Variants in PDCD11 observed in about 807,000 individuals in gnomAD.
PDCD11 encodes programmed cell death 11, also known as protein RRP5 homolog.
A neutral mutation model predicts 198.9 loss-of-function variants in PDCD11; 97 were observed. That is an observed-to-expected ratio of 0.49 (90% CI 0.41 to 0.58). The LOEUF (loss-of-function observed/expected upper bound fraction) is 0.58. PDCD11 is among the 20% of genes least tolerant of loss of function. PDCD11 has a pLI of 0.00. For synonymous variants in PDCD11, 893 were observed against 918.0 expected (o/e 0.97, Z 0.49); for missense variants, 2,102 against 2,312.7 (o/e 0.91, Z 1.87).
Position 103,432,254 on chromosome 10 carries a change from G to A in PDCD11, c.3474+20G>A, listed in dbSNP as rs1421979806. 33 of 1,488,574 alleles carry A rather than the reference G, an allele frequency of 2.2e-5. No individual in the cohort carries two copies. The Middle Eastern group carries it at 5.1e-4, about 23-fold the overall frequency. The allele number at this position is 1,488,574 out of a possible 1,614,324, so 92.2% of individuals were successfully genotyped here. ...AAGAAAGTAAGTAGTTTTGCCACTC[G>A]GCAATGAGATGTCATTCTTCTTTCA... On this transcript the variant is annotated intron_variant, in intron 22 of 35. Transcript: ENST00000369797.
intron 8 of PDCD11, among the ~76,000 whole-genome samples, chr10:103,411,408 C>T (rs1447313776): frequency 6.6e-6 from 1 of 151,964 alleles, no homozygotes; most frequent in Non-Finnish European, 1.5e-5. Context: ...CACTATTGCC[C>T]AGAGTGGAGT....
In PDCD11 at chr10:103,424,885, C is replaced by T. The variant is rs1024327823; in HGVS notation, c.2764-99C>T. 2.2e-6 allele frequency: 3 copies of T among 1,392,928 alleles called. No homozygotes were observed. The African/African-American group carries it at 4.3e-5, about 20-fold the overall frequency. 86.3% of individuals were successfully genotyped at this position (1,392,928 alleles called of 1,614,324 possible). ...GCCTTGAGTTCCCTAGCCTTGGGAC[C>T]CCAGAGGGTTTCCTCAGCCACACCC... On this transcript the variant is annotated intron_variant, in intron 19 of 35. Coordinates refer to ENST00000369797, the MANE Select transcript of PDCD11 (RefSeq NM_014976.2).
At chr10:103,419,228 C>T (rs1031185866) in intron 15 of PDCD11, among the ~76,000 whole-genome samples, 35 of 152,036 alleles carry the variant, frequency 2.3e-4, no homozygotes, top group African/African-American at 8.0e-4. Flanking sequence ...TTGGTGTCCT[C>T]TAGTAATCTG....
intron 25 of PDCD11, among the ~76,000 whole-genome samples, chr10:103,436,720 C>G (rs538895907): frequency 4.6e-5 from 7 of 152,178 alleles, no homozygotes; most frequent in Non-Finnish European, 8.8e-5. Context: ...GTGGCCAAAC[C>G]TACGATAAAT....
Position 103,427,299 on chromosome 10 carries a change from A to G in PDCD11, c.3306-30A>G, listed in dbSNP as rs1450710654. 4 of 1,592,202 alleles carry G rather than the reference A, an allele frequency of 2.5e-6. No homozygotes were observed. In the Admixed American group the frequency reaches 5.0e-5, roughly 20 times the overall value. The stretch of plus-strand genomic sequence containing the variant: ...AGATTACTGTGTTACAGAGATGAAG[A>G]GAAATGATTCAGCTTATTTGTTTCT... On this transcript the variant is annotated intron_variant, in intron 20 of 35. Coordinates refer to ENST00000369797, the MANE Select transcript of PDCD11 (RefSeq NM_014976.2).
At chr10:103,444,495 C>G (rs2032515847) in intron 34 of PDCD11, 22 bp from the exon 35 acceptor site, 1 of 1,612,444 alleles carries the variant, frequency 6.2e-7, no homozygotes, top group South Asian at 1.1e-5. Flanking sequence ...TGTTGGGTCT[C>G]TGAGCAGTCC....
intron 30 of PDCD11, among the ~76,000 whole-genome samples, chr10:103,441,497 G>A (rs1183074461): frequency 6.6e-6 from 1 of 152,094 alleles, no homozygotes; most frequent in Non-Finnish European, 1.5e-5. Context: ...TCAAATGATC[G>A]GCCCGCCTCA....
At position 103,415,060 on chromosome 10, in the gene PDCD11, TGAG is replaced by T; in HGVS notation, c.1429_1431del (p.Arg477del). The T allele has an allele frequency of 6.2e-7, 1 of 1,614,030 alleles. No homozygotes were observed. Among genetic ancestry groups the T allele is most frequent in the Non-Finnish European group, 8.5e-7 (1 of 1,179,968 alleles). Reference sequence around the variant, plus strand: ...ATGCTGGTGAAGGTGGGCGAGCAGATGAGGGGCCTGGTACCTCCCATGCACCTG... The same window carrying T: ...ATGCTGGTGAAGGTGGGCGAGCAGATGGGCCTGGTACCTCCCATGCACCTG... On this transcript the variant is annotated inframe_deletion, in exon 12 of 36. Transcript: ENST00000369797.
At position 103,441,767 on chromosome 10, in the gene PDCD11, G is replaced by T; in HGVS notation, c.4558-59G>T. 3 of 1,535,996 alleles carry T rather than the reference G, an allele frequency of 2.0e-6. No homozygotes were observed. The South Asian group carries it at 3.5e-5, about 18-fold the overall frequency. On this transcript the variant is annotated intron_variant, in intron 30 of 35. Transcript: ENST00000369797. ...CATGCTCCTCCAGGTGGGCTGGCAC[G>T]GGGGAACAGGGAGCAGCCTGAGCCA...
In PDCD11 at chr10:103,414,260, C is replaced by T; in HGVS notation, c.1311-10C>T. On this transcript the variant is annotated splice_polypyrimidine_tract_variant and intron_variant, in intron 10 of 35. Transcript: ENST00000369797. ...AGTTTATTTAATTCTGTGTTTTCTC[C>T]TTGTCCTAGGTCTATTATTGAAGCT... The T allele has an allele frequency of 6.2e-7, 1 of 1,612,336 alleles. No homozygotes were observed. The highest frequency in any genetic ancestry group is 8.5e-7 in the Non-Finnish European group (1 of 1,178,642).
chr10:103,416,830 T>G, intron 13 of PDCD11, 88 bp downstream of exon 13: 1 of 1,467,406 alleles, frequency 6.8e-7, no homozygotes, highest in Non-Finnish European at 9.3e-7. Flanking sequence ...GGGCTGCCTT[T>G]AGGAGGCTGA....
chr10:103,417,942 C>T lies in PDCD11; in HGVS notation c.1911+10C>T. On this transcript the variant is annotated intron_variant, in intron 14 of 35. Transcript: ENST00000369797. Reference sequence around the variant, plus strand: ...CATTAACATTGGGCAGGTACGTGGACTTCTCTGGACAAGCTATTTTATGTT... The same window carrying T: ...CATTAACATTGGGCAGGTACGTGGATTTCTCTGGACAAGCTATTTTATGTT... 6.2e-7 allele frequency: 1 copy of T among 1,613,680 alleles called. No individual in the cohort carries two copies. Among genetic ancestry groups the T allele is most frequent in the Non-Finnish European group, 8.5e-7 (1 of 1,179,886 alleles).
chr10:103,419,669 C>G lies in PDCD11; in HGVS notation c.2238C>G (p.Ile746Met). The change falls in exon 16 of 36, where the codon ATC becomes ATG. Residue 746 changes from isoleucine (I) to methionine (M), a missense_variant. Physicochemically the swap from Ile to Met is conservative, Grantham distance 10. Transcript: ENST00000369797. ...GCATCAAGGACTATGGCGTGTTCAT[C>G]CAGTTCCCCTCAGGTCTTAGCGGAC... The part of the protein sequence containing the change: ...VKSIKDYGVF[I>M]QFPSGLSGLA... The G allele has an allele frequency of 6.2e-7, 1 of 1,614,102 alleles. No individual in the cohort carries two copies. Among genetic ancestry groups the G allele is most frequent in the Non-Finnish European group, 8.5e-7 (1 of 1,179,996 alleles).
At position 103,423,044 on chromosome 10, in the gene PDCD11, G is replaced by C; in HGVS notation, c.2554G>C (p.Val852Leu). The C allele has an allele frequency of 6.2e-7, 1 of 1,605,610 alleles. No individual in the cohort carries two copies. Residue 852 changes from valine to leucine, a missense_variant, in exon 18 of 36, where the codon GTG becomes CTG. Coordinates refer to ENST00000369797, the MANE Select transcript of PDCD11 (RefSeq NM_014976.2). ...EMTPGMFLDL[V>L]VQEVLEDGSV... ...GACCCCAGGAATGTTCCTTGACCTA[G>C]TGGTGCAGGAGGTGTTGGAAGATGG...
rs557959582 is a variant in PDCD11, at chr10:103,438,575, C to T, written c.3903-111C>T. On this transcript the variant is annotated intron_variant, in intron 26 of 35. Transcript: ENST00000369797. ...GGCTCTAAAGGTTATATCCTGCTGA[C>T]AGGTCCAGAGTCATATTCTTATTTA... 2.1e-5 allele frequency: 30 copies of T among 1,401,482 alleles called. No homozygotes were observed. In the South Asian group the frequency reaches 3.5e-4, roughly 16 times the overall value. 86.8% of individuals were successfully genotyped at this position (1,401,482 alleles called of 1,614,324 possible).
chr10:103,407,812 G>A (rs2030553315), intron 7 of PDCD11, among the ~76,000 whole-genome samples: 1 of 151,578 alleles, frequency 6.6e-6, no homozygotes, highest in African/African-American at 2.4e-5. Flanking sequence ...TCTGCCTCCC[G>A]GATTCAAGCG....
In PDCD11 at chr10:103,413,985, C is replaced by G; in HGVS notation, c.1205C>G (p.Ser402Cys). 1 of 1,612,610 alleles carries G rather than the reference C, an allele frequency of 6.2e-7. No individual in the cohort carries two copies. Among genetic ancestry groups the G allele is most frequent in the Non-Finnish European group, 8.5e-7 (1 of 1,179,400 alleles). ...TTGCAGCTCAGCCATCTCTCTGATT[C>G]TAAGAACGTCTTCAATCCTGAGGCC... ...AYARLSHLSD[S>C]KNVFNPEAFK... is the part of the protein sequence containing the mutation. Residue 402 changes from serine to cysteine, a missense_variant, in exon 10 of 36, where the codon TCT (serine) becomes TGT (cysteine). Physicochemically the swap from Ser to Cys is moderately radical, Grantham distance 112 (BLOSUM62 -1). Coordinates refer to ENST00000369797, the MANE Select transcript of PDCD11 (RefSeq NM_014976.2).
At position 103,396,651 on chromosome 10, in the gene PDCD11, C is replaced by A. The variant is rs1254515550; in HGVS notation, c.-91C>A. On this transcript the variant is annotated 5_prime_UTR_variant, in exon 1 of 36. The change creates a new upstream start codon in the 5' untranslated region. Transcript: ENST00000369797. The stretch of plus-strand genomic sequence containing the variant: ...ACACTTCCGGAAGAATTGCACTGGA[C>A]TGTGGGTATCCTGGTCTCCGCGTGT... 3 of 152,376 alleles carry A rather than the reference C, an allele frequency of 2.0e-5. No individual in the cohort carries two copies. In the East Asian group the frequency reaches 5.8e-4, roughly 29 times the overall value. 9.4% of individuals were successfully genotyped at this position (152,376 alleles called of 1,614,324 possible).
Position 103,433,866 on chromosome 10 carries a change from A to G in PDCD11, c.3475-82A>G, listed in dbSNP as rs528659191. The G allele has an allele frequency of 3.3e-4, 356 of 1,077,500 alleles. 4 individuals are homozygous for G. The South Asian group carries it at 4.4e-3, about 13-fold the overall frequency. 66.7% of individuals were successfully genotyped at this position (1,077,500 alleles called of 1,614,324 possible). A position where few individuals can be genotyped will look rare whatever the true frequency, so the allele number is the denominator to read the frequency against. Reference sequence around the variant, plus strand: ...GGAAAAGTGTACTGGGGCCCTTTCCACCTTGTGGTTTTAGGAAAGTTTTAA... The same window carrying G: ...GGAAAAGTGTACTGGGGCCCTTTCCGCCTTGTGGTTTTAGGAAAGTTTTAA... On this transcript the variant is annotated intron_variant, in intron 22 of 35. Coordinates refer to ENST00000369797, the MANE Select transcript of PDCD11 (RefSeq NM_014976.2).
Sources: allele counts gnomAD v4.1 joint callset (sites outside exome capture counted in the v4.1 genomes callset), GRCh38; gene constraint gnomAD v4.1.1; transcripts MANE v1.5; gene names NCBI Gene and HGNC (gene_info 2026-07-23, HGNC 2026-07-21).